The following PRKG1 variants were observed in gnomAD, a reference collection of about 807,000 sequenced individuals.
PRKG1 encodes cGMP-dependent protein kinase 1.
In PRKG1, 35 loss-of-function variants were observed where a neutral mutation model predicts 88.1. The ratio of observed to expected loss-of-function variants is 0.40; its 90% CI spans 0.30 to 0.53. The LOEUF (loss-of-function observed/expected upper bound fraction) is 0.53, where lower values mean the gene tolerates loss of function less well. Ranked by LOEUF, PRKG1 falls within the 20% of genes least tolerant of loss-of-function variation. The probability of loss-of-function intolerance (pLI) is 0.59; values close to 1 mark genes in which losing one functional copy is unlikely to be tolerated. For missense variants in PRKG1, 540 were observed against 839.8 expected, an observed-to-expected ratio of 0.64 and a Z score of 4.41; for synonymous variants, 303 against 292.5, an observed-to-expected ratio of 1.04 and a Z score of -0.37.
At chr10:52,075,375 G>GT (rs1345872038) in intron 7 of PRKG1, among the ~76,000 whole-genome samples, 1 of 152,108 alleles carries the variant, frequency 6.6e-6, no homozygotes. Context: ...GATTTTTTTG[G>GT]TTGAAATTGA....
At chr10:51,682,293 T>A (rs1167008540) in intron 3 of PRKG1, among the ~76,000 whole-genome samples, 2 of 152,172 alleles carry the variant, frequency 1.3e-5, no homozygotes, top group Non-Finnish European at 2.9e-5. Context: ...ACGAGGAAAG[T>A]GGTACAGGAA....
At chr10:51,672,480 A>C (rs1036547168) in intron 3 of PRKG1, among the ~76,000 whole-genome samples, 1 of 151,418 alleles carries the variant, frequency 6.6e-6, no homozygotes, top group Non-Finnish European at 1.5e-5. Flanking sequence ...TTTAATATTT[A>C]TAGTTTTTCT....
chr10:51,134,594 A>T (rs372315942), intron 1 of PRKG1, among the ~76,000 whole-genome samples: 1 of 152,136 alleles, frequency 6.6e-6, no homozygotes, highest in Admixed American at 6.6e-5. Flanking sequence ...AATAATAGTG[A>T]ATGTCAACCT....
intron 7 of PRKG1, chr10:52,128,483 G>A (rs2132625046): frequency 3.0e-6 from 3 of 985,346 alleles, no homozygotes; most frequent in Middle Eastern, 5.2e-4. Flanking sequence ...TGACAGTGAC[G>A]CCACTTTGGG....
chr10:51,292,211 A>T (rs1840600633), intron 2 of PRKG1, among the ~76,000 whole-genome samples: 1 of 152,222 alleles, frequency 6.6e-6, no homozygotes, highest in Non-Finnish European at 1.5e-5. Context: ...ATCAAGCTTG[A>T]GGGAACACTT....
chr10:51,710,393 G>A (rs1488188460), intron 3 of PRKG1, among the ~76,000 whole-genome samples: 1 of 152,136 alleles, frequency 6.6e-6, no homozygotes, highest in East Asian at 1.9e-4. Context: ...ACTGAGAAAA[G>A]CACTGTCCCC....
chr10:51,698,121 C>A (rs1362395569), intron 3 of PRKG1: 2 of 1,613,978 alleles, frequency 1.2e-6, no homozygotes, highest in Admixed American at 1.7e-5. Flanking sequence ...GGACCAGGAC[C>A]CTGAATTCCA....
intron 2 of PRKG1, among the ~76,000 whole-genome samples, chr10:51,364,768 T>C (rs529237844): frequency 6.6e-6 from 1 of 152,040 alleles, no homozygotes; most frequent in African/African-American, 2.4e-5. Flanking sequence ...AAATAATTGC[T>C]CAGATAGACT....
At chr10:51,743,904 A>G (rs77171909) in intron 3 of PRKG1, among the ~76,000 whole-genome samples, 2,632 of 151,038 alleles carry the variant, frequency 0.017, 68 homozygotes, top group African/African-American at 0.059. Context: ...ACAAATTGAA[A>G]TGATTTTTAA....
At chr10:51,631,403 C>T (rs1004737027) in intron 3 of PRKG1, among the ~76,000 whole-genome samples, 4 of 152,160 alleles carry the variant, frequency 2.6e-5, no homozygotes, top group African/African-American at 9.7e-5. Context: ...AAATTAGTGT[C>T]GGATTCTGAC....
At chr10:51,667,146 A>G (rs1439928646) in intron 3 of PRKG1, among the ~76,000 whole-genome samples, 1 of 152,218 alleles carries the variant, frequency 6.6e-6, no homozygotes, top group Non-Finnish European at 1.5e-5. Context: ...TTAATTATAT[A>G]TAAATGTACT....
At chr10:51,990,218 T>G (rs76023633) in intron 5 of PRKG1, among the ~76,000 whole-genome samples, 5,924 of 152,228 alleles carry the variant, frequency 0.039, 339 homozygotes, top group African/African-American at 0.13. Context: ...GAACCATGCA[T>G]TTTTGATTAC....
At chr10:51,702,382 A>G (rs1841491007) in intron 3 of PRKG1, among the ~76,000 whole-genome samples, 1 of 152,206 alleles carries the variant, frequency 6.6e-6, no homozygotes, top group East Asian at 1.9e-4. Flanking sequence ...AATGTCCCCA[A>G]ATCAAGAGCT....
At chr10:52,199,732 G>A (rs189835109) in intron 9 of PRKG1, among the ~76,000 whole-genome samples, 44 of 152,154 alleles carry the variant, frequency 2.9e-4, no homozygotes, top group African/African-American at 9.6e-4. Context: ...CCAAATAAAC[G>A]TACCTCACAT....
intron 3 of PRKG1, among the ~76,000 whole-genome samples, chr10:51,718,386 G>C (rs1841935275): frequency 6.6e-6 from 1 of 152,164 alleles, no homozygotes; most frequent in South Asian, 2.1e-4. Flanking sequence ...GCTACTGTGG[G>C]CCGGGGAAGG....
intron 5 of PRKG1, among the ~76,000 whole-genome samples, chr10:51,919,859 G>T (rs900196564): frequency 6.6e-6 from 1 of 152,134 alleles, no homozygotes; most frequent in Admixed American, 6.6e-5. Context: ...TATATCCCAA[G>T]TTTCCAGCAC....
chr10:51,211,127 G>A (rs1249438936), intron 2 of PRKG1, among the ~76,000 whole-genome samples: 1 of 152,094 alleles, frequency 6.6e-6, no homozygotes, highest in Non-Finnish European at 1.5e-5. Flanking sequence ...ATGATCAAGT[G>A]GGCTTCATCC....
At chr10:51,739,575 A>G (rs1837378845) in intron 3 of PRKG1, among the ~76,000 whole-genome samples, 2 of 152,202 alleles carry the variant, frequency 1.3e-5, no homozygotes, top group Admixed American at 1.3e-4. Context: ...AACCAGCTAG[A>G]AGAAGAAAGG....
intron 9 of PRKG1, among the ~76,000 whole-genome samples, chr10:52,219,526 A>G (rs543790313): frequency 6.6e-6 from 1 of 152,340 alleles, no homozygotes; most frequent in South Asian, 2.1e-4. Context: ...CTAACAAACT[A>G]CTAAACCGAC....
Sources: allele counts gnomAD v4.1 joint callset (sites outside exome capture counted in the v4.1 genomes callset), GRCh38; gene constraint gnomAD v4.1.1; transcripts MANE v1.5; gene names NCBI Gene and HGNC (gene_info 2026-07-23, HGNC 2026-07-21).